Variants in MYT1L observed in about 807,000 individuals in gnomAD.
MYT1L encodes the protein myelin transcription factor 1-like protein.
A neutral mutation model predicts 126.7 loss-of-function variants in MYT1L; 12 were observed. That is an observed-to-expected ratio of 0.09 (90% CI 0.06 to 0.15). The LOEUF is 0.15. MYT1L is among the 10% of genes least tolerant of loss of function. The pLI is 1.00. For missense variants in MYT1L, 979 were observed against 1,585.2 expected (o/e 0.62, Z 6.49); for synonymous variants, 541 against 604.2 (o/e 0.90, Z 1.53).
At chr2:2,064,371 T>C (rs542625265) in intron 3 of MYT1L, among the ~76,000 whole-genome samples, 16 of 152,310 alleles carry the variant, frequency 1.1e-4, no homozygotes, top group African/African-American at 3.6e-4. Flanking sequence ...GGTTTGATGA[T>C]TTCCAGTTGT....
chr2:1,857,331 A>T (rs928281812), intron 18 of MYT1L, among the ~76,000 whole-genome samples: 1 of 152,054 alleles, frequency 6.6e-6, no homozygotes, highest in Non-Finnish European at 1.5e-5. Context: ...GGCTAAAAGG[A>T]CTCCCAGAAT....
At chr2:2,277,222 G>A (rs7586920) in intron 2 of MYT1L, among the ~76,000 whole-genome samples, 1,903 of 152,032 alleles carry the variant, frequency 0.013, 30 homozygotes, top group African/African-American at 0.042. Context: ...CATCTGCCTC[G>A]GCCTCCCAAA....
chr2:1,791,313 A>T lies in MYT1L; in HGVS notation c.*554T>A, dbSNP rs2032041569. ...CATAATATTTCCAAGCATTGTTCAAAAATAAAGCATTTTTGCAACGAATTC... is the reference window on the plus strand; with the variant it reads ...CATAATATTTCCAAGCATTGTTCAATAATAAAGCATTTTTGCAACGAATTC... On this transcript the variant is annotated 3_prime_UTR_variant, in exon 25 of 25. Coordinates refer to ENST00000647738, the MANE Select transcript of MYT1L (RefSeq NM_001303052.2). The surrounding 1 kb of genome is among the most constrained non-coding windows in gnomAD (Gnocchi z 6.0). 3 of 451,554 alleles carry T rather than the reference A, an allele frequency of 6.6e-6. No homozygotes were observed. The highest frequency in any genetic ancestry group is 5.0e-5 in the South Asian group (3 of 60,040). The allele number at this position is 451,554 out of a possible 1,614,324, so 28.0% of individuals were successfully genotyped here.
chr2:1,933,474 T>G (rs538046706), intron 9 of MYT1L, among the ~76,000 whole-genome samples: 4 of 152,202 alleles, frequency 2.6e-5, no homozygotes, highest in African/African-American at 7.2e-5. Flanking sequence ...GAACAAAAAT[T>G]TATTTTCTGA....
At chr2:1,986,808 TTTG>T (rs2061064003) in intron 5 of MYT1L, among the ~76,000 whole-genome samples, 1 of 152,118 alleles carries the variant, frequency 6.6e-6, no homozygotes, top group Admixed American at 6.5e-5. Context: ...GTGGTGAAGC[TTTG>T]TTGTTCACAC....
chr2:2,295,611 G>GACAGAGAGAGAGACAGAC (rs1559583977), intron 1 of MYT1L, among the ~76,000 whole-genome samples: 2 of 107,314 alleles, frequency 1.9e-5, no homozygotes, highest in African/African-American at 6.8e-5. Flanking sequence ...GAGACAGACA[G>GACAGAGAGAGAGACAGAC]AGAGAGAGAG....
At chr2:1,946,437 C>T (rs573665690) in intron 8 of MYT1L, among the ~76,000 whole-genome samples, 2 of 152,158 alleles carry the variant, frequency 1.3e-5, no homozygotes, top group Admixed American at 6.5e-5. Flanking sequence ...GGATGGGGAC[C>T]GCTGCCCAGG....
At chr2:2,145,168 G>C (rs1316292540) in intron 3 of MYT1L, among the ~76,000 whole-genome samples, 1 of 152,214 alleles carries the variant, frequency 6.6e-6, no homozygotes, top group Admixed American at 6.5e-5. Context: ...GTGACTTCAT[G>C]GAACTGGCAT....
At chr2:2,109,859 C>A (rs886480110) in intron 3 of MYT1L, among the ~76,000 whole-genome samples, 1 of 126,058 alleles carries the variant, frequency 7.9e-6, no homozygotes, top group Non-Finnish European at 1.6e-5. Context: ...GAGGAAGATT[C>A]ACAAAAGTGC....
In MYT1L at chr2:2,211,592, G is replaced by A. The variant is rs556342787; in HGVS notation, c.-420-38604C>T. Among the ~76,000 whole-genome samples, 430 of 152,148 alleles carry A rather than the reference G, an allele frequency of 2.8e-3. 1 individual carries two copies. The highest frequency in any genetic ancestry group is 6.8e-3 in the Middle Eastern group (2 of 294). On this transcript the variant is annotated intron_variant, in intron 2 of 24. Coordinates refer to ENST00000647738, the MANE Select transcript of MYT1L (RefSeq NM_001303052.2). ...GGAGGCCGAGGCGGGCAGATCATGAGGTCAGGAGTTCGAGAACAGCCTAGC... is the reference window on the plus strand; with the variant it reads ...GGAGGCCGAGGCGGGCAGATCATGAAGTCAGGAGTTCGAGAACAGCCTAGC...
At chr2:1,817,828 C>T (rs1392428711) in intron 21 of MYT1L, among the ~76,000 whole-genome samples, 4 of 152,220 alleles carry the variant, frequency 2.6e-5, no homozygotes, top group African/African-American at 4.8e-5. Flanking sequence ...TTTACTCACA[C>T]GTTAGTTCTG....
At chr2:2,127,986 G>A (rs574352611) in intron 3 of MYT1L, among the ~76,000 whole-genome samples, 1 of 152,302 alleles carries the variant, frequency 6.6e-6, no homozygotes, top group African/African-American at 2.4e-5. Context: ...CAGATTTGCT[G>A]TGATCATTGA....
intron 9 of MYT1L, among the ~76,000 whole-genome samples, chr2:1,925,848 G>A (rs539099486): frequency 1.3e-5 from 2 of 152,274 alleles, no homozygotes; most frequent in Non-Finnish European, 2.9e-5. Context: ...AAGTCTCCAA[G>A]ACTTAATTAG....
At chr2:1,985,723 C>T (rs538636858) in intron 5 of MYT1L, among the ~76,000 whole-genome samples, 1 of 152,326 alleles carries the variant, frequency 6.6e-6, no homozygotes, top group Admixed American at 6.5e-5. Flanking sequence ...GCTACAAATC[C>T]TAAGAAAATA....
intron 21 of MYT1L, among the ~76,000 whole-genome samples, chr2:1,829,780 C>A (rs1476141063): frequency 1.4e-5 from 2 of 139,942 alleles, no homozygotes; most frequent in African/African-American, 5.9e-5. Context: ...TGTGAATTGA[C>A]CTTCCCATAC....
chr2:2,059,534 A>G lies in MYT1L; in HGVS notation c.-303-5411T>C, dbSNP rs1446582885. 6.6e-6 allele frequency among the ~76,000 whole-genome samples: 1 copy of G among 152,182 alleles called. No homozygotes were observed. The highest frequency in any genetic ancestry group is 2.4e-5 in the African/African-American group (1 of 41,454). Reference sequence around the variant, plus strand: ...TCATCCCCACTGAGGGTGGACATGCATGCAGTGAGTTCTCCACACAGTCCC... The same window carrying G: ...TCATCCCCACTGAGGGTGGACATGCGTGCAGTGAGTTCTCCACACAGTCCC... On this transcript the variant is annotated intron_variant, in intron 3 of 24. Coordinates refer to ENST00000647738, the MANE Select transcript of MYT1L (RefSeq NM_001303052.2). This position sits in a 1 kb window ranked among gnomAD's most constrained non-coding sequence, Gnocchi z 4.7.
At chr2:2,271,206 A>C (rs1337974865) in intron 2 of MYT1L, among the ~76,000 whole-genome samples, 1 of 152,200 alleles carries the variant, frequency 6.6e-6, no homozygotes, top group African/African-American at 2.4e-5. Flanking sequence ...ACACAGTGCC[A>C]ACAACATGGA....
At chr2:2,199,968 C>G (rs373458437) in intron 2 of MYT1L, among the ~76,000 whole-genome samples, 1 of 152,188 alleles carries the variant, frequency 6.6e-6, no homozygotes, top group Non-Finnish European at 1.5e-5. Flanking sequence ...CAGATTGAGC[C>G]AAGGAAGCAG....
chr2:2,224,650 T>G lies in MYT1L; in HGVS notation c.-420-51662A>C, dbSNP rs1236875807. ...CTGGCTAACAAGGTGAAACCCTTTC[T>G]CTACTAAAAATACAAAAAATTAGCC... is the stretch of plus-strand genomic sequence containing the variant. On this transcript the variant is annotated intron_variant, in intron 2 of 24. Transcript: ENST00000647738. This position sits in a 1 kb window ranked among gnomAD's most constrained non-coding sequence, Gnocchi z 4.0. Among the ~76,000 whole-genome samples, 1 of 151,948 alleles carries G rather than the reference T, an allele frequency of 6.6e-6. No individual in the cohort carries two copies. Among genetic ancestry groups the G allele is most frequent in the Non-Finnish European group, 1.5e-5 (1 of 67,984 alleles).
Sources: gnomAD v4.1 joint callset for allele counts (sites outside exome capture counted in the v4.1 genomes callset) on GRCh38, gnomAD v4.1.1 for gene constraint, Gnocchi (gnomAD v3.1) non-coding constraint, MANE v1.5 for transcripts, NCBI Gene and HGNC (gene_info 2026-07-23, HGNC 2026-07-21) for gene names.